The following CIC variants were observed in gnomAD, a reference collection of about 807,000 sequenced individuals.
CIC encodes the protein capicua transcriptional repressor.
A neutral mutation model predicts 115.7 loss-of-function variants in CIC; 18 were observed. The ratio of observed to expected loss-of-function variants is 0.16; its 90% CI spans 0.11 to 0.23. The LOEUF (loss-of-function observed/expected upper bound fraction) is 0.23. Ranked by LOEUF, CIC falls within the 10% of genes least tolerant of loss-of-function variation. The probability of loss-of-function intolerance (pLI) is 1.00; values close to 1 mark genes in which losing one functional copy is unlikely to be tolerated. For missense variants in CIC, 2,000 were observed against 2,159.3 expected (o/e 0.93, Z 1.46); for synonymous variants, 1,076 against 923.0 (o/e 1.17, Z -3.01).
intron 12 of CIC, 88 bp downstream of exon 12, chr19:42,291,833 C>T (rs747964173): frequency 1.6e-4 from 238 of 1,504,034 alleles, no homozygotes; most frequent in Non-Finnish European, 2.0e-4. Flanking sequence ...TTTTCTCCTT[C>T]TCCATGTATC....
chr19:42,284,700 G>A (rs1260991547), intron 2 of CIC: 4 of 1,546,350 alleles, frequency 2.6e-6, no homozygotes, highest in East Asian at 4.8e-5. Flanking sequence ...CCCCTGCGCC[G>A]GACCATGTAT....
rs757335104 is a variant in CIC, at chr19:42,287,362, G to A, written c.3222G>A (p.Pro1074=). ...CTCCTGAGATCCAGTTGCCTCTACC[G>A]CCCGGAAAACGTCGGACCCAGTCCC... ...IMSPEIQLPL[P]PGKRRTQSLS... The change falls in exon 5 of 21, where the codon CCG becomes CCA. Residue 1074 remains proline (P), a synonymous_variant. Transcript: ENST00000681038. The surrounding 1 kb of genome is among the most constrained non-coding windows in gnomAD (Gnocchi z 8.7). 3.7e-6 allele frequency: 6 copies of A among 1,613,900 alleles called. No individual in the cohort carries two copies. The highest frequency in any genetic ancestry group is 2.2e-5 in the East Asian group (1 of 44,892).
intron 3 of CIC, 36 bp downstream of exon 3, chr19:42,286,956 G>A (rs1378452470): frequency 2.5e-6 from 4 of 1,608,220 alleles, no homozygotes; most frequent in East Asian, 2.2e-5. Flanking sequence ...AGGCAAGGGT[G>A]TGGGGTCCAG....
intron 16 of CIC, 73 bp downstream of exon 16, chr19:42,293,354 G>C (rs2038288159): frequency 6.8e-7 from 1 of 1,467,184 alleles, no homozygotes; most frequent in East Asian, 2.5e-5. Flanking sequence ...TTGCTTTTCT[G>C]TCCTACTCTT....
intron 2 of CIC, chr19:42,284,605 C>T (rs1293079539): frequency 1.1e-5 from 8 of 743,922 alleles, no homozygotes; most frequent in South Asian, 7.9e-5. Context: ...CCCGCTCCCC[C>T]CGGGCCCAAG....
Position 42,274,527 on chromosome 19 carries a change from C to T in CIC, c.2744C>T (p.Thr915Ile), listed in dbSNP as rs1307503475. 7.5e-6 allele frequency: 3 copies of T among 398,848 alleles called. No homozygotes were observed. The highest frequency in any genetic ancestry group is 1.3e-5 in the Non-Finnish European group (3 of 226,302). The allele number at this position is 398,848 out of a possible 1,614,324, so 24.7% of individuals were successfully genotyped here. A position where few individuals can be genotyped will look rare whatever the true frequency, so the allele number is the denominator to read the frequency against. The change falls in exon 2 of 21, where the codon ACC becomes ATC. Residue 915 changes from threonine (T) to isoleucine (I), a missense_variant. By Grantham distance (89) the Thr-to-Ile change is moderately conservative. Coordinates refer to ENST00000681038, the MANE Select transcript of CIC (RefSeq NM_001386298.1). Reference protein sequence around the residue: ...LLPVLVPSSYTSHPAPKKEVI... With the variant: ...LLPVLVPSSYISHPAPKKEVI... ...CCCGTTTTGGTGCCCAGCAGCTATA[C>T]CAGCCACCCTGCCCCCAAGAAGGAA...
intron 2 of CIC, among the ~76,000 whole-genome samples, chr19:42,275,797 A>G (rs1336641085): frequency 6.6e-6 from 1 of 152,152 alleles, no homozygotes. Context: ...TACAGGTGTG[A>G]GCCACTGCAC....
At position 42,292,647 on chromosome 19, in the gene CIC, C is replaced by T. The variant is rs763033756; in HGVS notation, c.5984C>T (p.Ala1995Val). The T allele has an allele frequency of 1.2e-6, 2 of 1,613,566 alleles. No individual in the cohort carries two copies. The highest frequency in any genetic ancestry group is 2.2e-5 in the East Asian group (1 of 44,894). ...CCCCAGCTGCCGCCTGCCTGTGCAG[C>T]CCCCGGAGGTCCTGTCATAACAGCA... is the stretch of plus-strand genomic sequence containing the variant. ...PSPQLPPACA[A>V]PGGPVITAFY... Residue 1995 changes from alanine (A) to valine (V), a missense_variant, in exon 15 of 21, where the codon GCC becomes GTC. Physicochemically the swap from Ala to Val is moderately conservative, Grantham distance 64. This residue lies in a region of CIC where 1,466 missense variants were observed against 1,390.4 expected (regional missense o/e 1.05). Coordinates refer to ENST00000681038, the MANE Select transcript of CIC (RefSeq NM_001386298.1).
rs535815082 is a variant in CIC, at chr19:42,291,591, C to G, written c.5459C>G (p.Pro1820Arg). The change falls in exon 12 of 21, where the codon CCG becomes CGG. Residue 1820 changes from proline to arginine, a missense_variant. Around this residue, in one of 8 missense-constraint regions of CIC, gnomAD observed 1,466 missense variants for 1,390.4 expected, o/e 1.05. Coordinates refer to ENST00000681038, the MANE Select transcript of CIC (RefSeq NM_001386298.1). ...QSVSPVQAPP[P>R]GGSAQLLPGK... ...GTTTCTCCCGTGCAGGCCCCGCCCC[C>G]GGGTGGCTCAGCCCAGCTGCTGCCT... 1.2e-6 allele frequency: 2 copies of G among 1,613,032 alleles called. No homozygotes were observed. The highest frequency in any genetic ancestry group is 1.1e-5 in the South Asian group (1 of 91,080).
rs374488276 is a variant in CIC at position 42,292,523 on chromosome 19, G to A, written c.5903-43G>A. The A allele has an allele frequency of 3.2e-5, 52 of 1,611,736 alleles. No individual in the cohort carries two copies. The Admixed American group carries it at 3.3e-4, about 10-fold the overall frequency. ...ACCCAGGGTGGGGCTGAGGCAGTCC[G>A]GGCCCTAACTTGGTCTCCTGCTTCT... On this transcript the variant is annotated intron_variant, in intron 14 of 20. Coordinates refer to ENST00000681038, the MANE Select transcript of CIC (RefSeq NM_001386298.1).
At position 42,292,747 on chromosome 19, in the gene CIC, C is replaced by T. The variant is rs753979249; in HGVS notation, c.6084C>T (p.Val2028=). 4.6e-5 allele frequency: 74 copies of T among 1,613,706 alleles called. No homozygotes were observed. Among genetic ancestry groups the T allele is most frequent in the Non-Finnish European group, 1.4e-5 (16 of 1,179,984 alleles). Residue 2028 remains valine, a synonymous_variant, in exon 15 of 21, where the codon GTC becomes GTT. Coordinates refer to ENST00000681038, the MANE Select transcript of CIC (RefSeq NM_001386298.1). ...AQPSQAPPSL[V]YTVATSTTPP... ...CATCCCAGGCCCCCCCAAGCCTGGT[C>T]TACACTGTGGCCACCAGCACAACCC...
At position 42,273,945 on chromosome 19, in the gene CIC, A is replaced by G; in HGVS notation, c.2162A>G (p.His721Arg). 1 of 398,636 alleles carries G rather than the reference A, an allele frequency of 2.5e-6. No homozygotes were observed. The allele number at this position is 398,636 out of a possible 1,614,324, so 24.7% of individuals were successfully genotyped here. ...PGRRKTELLP[H>R]PGALGAPGAG... ...CGACGGAAGACAGAGCTGTTGCCGC[A>G]TCCAGGGGCCTTGGGGGCCCCTGGC... is the stretch of plus-strand genomic sequence containing the variant. Residue 721 changes from histidine (H) to arginine (R), a missense_variant, in exon 2 of 21, where the codon CAT becomes CGT. By Grantham distance (29) the His-to-Arg change is conservative. Around this residue, in one of 8 missense-constraint regions of CIC, gnomAD observed 222 missense variants for 247.7 expected, o/e 0.90. Transcript: ENST00000681038.
chr19:42,293,664 C>A lies in CIC; in HGVS notation c.6595C>A (p.Pro2199Thr), dbSNP rs1316122249. 6.2e-7 allele frequency: 1 copy of A among 1,612,834 alleles called. No homozygotes were observed. The highest frequency in any genetic ancestry group is 8.5e-7 in the Non-Finnish European group (1 of 1,179,782). ...GGGCCTGGAGAATCGTGGGGAGCCT[C>A]CCACTCCTCCCAGCCCGGCCCCAGC... ...GQGLENRGEP[P>T]TPPSPAPAPA... Residue 2199 changes from proline to threonine, a missense_variant, in exon 17 of 21, where the codon CCC (proline) becomes ACC (threonine). Pro to Thr is a conservative substitution (Grantham distance 38). This residue lies in a region of CIC where 1,466 missense variants were observed against 1,390.4 expected (regional missense o/e 1.05). Transcript: ENST00000681038.
intron 2 of CIC, among the ~76,000 whole-genome samples, chr19:42,275,469 G>A (rs2036939338): frequency 2.0e-5 from 3 of 152,130 alleles, no homozygotes; most frequent in African/African-American, 7.2e-5. Context: ...CAGCCCCAAG[G>A]CCAGAAGGAG....
chr19:42,268,751 C>G (rs1025878810), upstream of CIC, among the ~76,000 whole-genome samples: 11 of 152,212 alleles, frequency 7.2e-5, no homozygotes, highest in African/African-American at 2.7e-4. Flanking sequence ...GGCTATGGGC[C>G]GAAGACGTGA....
intron 2 of CIC, among the ~76,000 whole-genome samples, chr19:42,276,316 C>A (rs1050548850): frequency 6.6e-6 from 1 of 152,196 alleles, no homozygotes; most frequent in African/African-American, 2.4e-5. Context: ...TCATTATGAA[C>A]TGTATCCTGA....
At chr19:42,284,033 C>T (rs1460865935) in intron 2 of CIC, 11 of 109,532 alleles carry the variant, frequency 1.0e-4, no homozygotes, top group Non-Finnish European at 1.6e-4. Context: ...GGAGGCGCGG[C>T]GGGGGGAGGG....
rs891976298 is a variant in CIC, at chr19:42,272,301, C to T, written c.518C>T (p.Ala173Val). The stretch of plus-strand genomic sequence containing the variant: ...ACTGACACAGCCAGCGAGCACTCGG[C>T]GGACCTGGAGGATGAGCCGGCTGAG... ...SSTDTASEHS[A>V]DLEDEPAEAC... Residue 173 changes from alanine (A) to valine (V), a missense_variant, in exon 2 of 21, where the codon GCG (alanine) becomes GTG (valine). By Grantham distance (64) the Ala-to-Val change is moderately conservative. Around this residue, in one of 8 missense-constraint regions of CIC, gnomAD observed 222 missense variants for 247.7 expected, o/e 0.90. Transcript: ENST00000681038. The T allele has an allele frequency of 4.0e-5, 16 of 398,496 alleles. 1 individual carries two copies. Among genetic ancestry groups the T allele is most frequent in the East Asian group, 2.1e-4 (6 of 28,078 alleles). The allele number at this position is 398,496 out of a possible 1,614,324, so 24.7% of individuals were successfully genotyped here. A position where few individuals can be genotyped will look rare whatever the true frequency, so the allele number is the denominator to read the frequency against.
At chr19:42,292,893 T>G (rs1197517112) in intron 15 of CIC, 34 bp downstream of exon 15, 2 of 1,613,740 alleles carry the variant, frequency 1.2e-6, no homozygotes, top group Non-Finnish European at 1.7e-6. Context: ...CAGAGTGAGT[T>G]GGGGGACCCA....
Sources: gnomAD v4.1 joint callset for allele counts (sites outside exome capture counted in the v4.1 genomes callset) on GRCh38, gnomAD v4.1.1 for gene constraint, gnomAD v4.1.1 regional missense constraint, Gnocchi (gnomAD v3.1) non-coding constraint, MANE v1.5 for transcripts, NCBI Gene and HGNC (gene_info 2026-07-23, HGNC 2026-07-21) for gene names.